PHF21B: variants seen among roughly 807,000 people sequenced by gnomAD.
The protein encoded by PHF21B is PHD finger protein 21B.
A neutral mutation model predicts 62.2 loss-of-function variants in PHF21B; 22 were observed. The observed-to-expected ratio is 0.35, with a 90% CI of 0.25 to 0.51. PHF21B has a LOEUF of 0.51. PHF21B is among the 20% of genes least tolerant of loss of function. The probability of loss-of-function intolerance (pLI) is 0.97; values close to 1 mark genes in which losing one functional copy is unlikely to be tolerated. For missense variants in PHF21B, 701 were observed against 707.9 expected, an observed-to-expected ratio of 0.99 and a Z score of 0.11; for synonymous variants, 341 against 314.7, an observed-to-expected ratio of 1.08 and a Z score of -0.88.
intron 2 of PHF21B, among the ~76,000 whole-genome samples, chr22:44,977,711 T>G (rs1260035567): frequency 6.6e-6 from 1 of 151,654 alleles, no homozygotes; most frequent in Non-Finnish European, 1.5e-5. Context: ...CTAGAGTAGC[T>G]GGGGCTACAG....
At chr22:44,948,753 T>C (rs1434927110) in intron 2 of PHF21B, among the ~76,000 whole-genome samples, 5 of 151,586 alleles carry the variant, frequency 3.3e-5, no homozygotes, top group Admixed American at 2.0e-4. Context: ...ATGCTGGACA[T>C]GGAAGCAGGC....
intron 12 of PHF21B, among the ~76,000 whole-genome samples, chr22:44,884,134 T>TCACCAC (rs2070794068): frequency 6.3e-5 from 4 of 63,562 alleles, no homozygotes; most frequent in South Asian, 4.0e-4. Flanking sequence ...ATGATCACCA[T>TCACCAC]TATCACCACC....
chr22:44,934,090 G>A (rs1191316165), intron 2 of PHF21B, among the ~76,000 whole-genome samples: 2 of 152,164 alleles, frequency 1.3e-5, no homozygotes, highest in African/African-American at 2.4e-5. Flanking sequence ...CTCCTCTGAC[G>A]TGGGCATGGC....
At chr22:45,006,037 A>T (rs1166810017) in intron 2 of PHF21B, among the ~76,000 whole-genome samples, 1 of 152,058 alleles carries the variant, frequency 6.6e-6, no homozygotes, top group Non-Finnish European at 1.5e-5. Context: ...AAACTCTCCC[A>T]AGGAGAGGGA....
intron 2 of PHF21B, among the ~76,000 whole-genome samples, chr22:44,951,407 A>G (rs2072191989): frequency 6.6e-6 from 1 of 152,182 alleles, no homozygotes; most frequent in Non-Finnish European, 1.5e-5. Context: ...GCGGCTGTAA[A>G]TACAGATGAA....
intron 2 of PHF21B, among the ~76,000 whole-genome samples, chr22:44,932,450 C>T (rs1356839733): frequency 6.6e-6 from 1 of 152,208 alleles, no homozygotes; most frequent in East Asian, 1.9e-4. Context: ...ACCAGGCACA[C>T]GTCTTCCAAA....
At chr22:44,998,852 CTCG>C (rs1403434298) in intron 2 of PHF21B, among the ~76,000 whole-genome samples, 1 of 152,174 alleles carries the variant, frequency 6.6e-6, no homozygotes, top group Non-Finnish European at 1.5e-5. Context: ...GCGTACAATG[CTCG>C]CCCCATTCAT....
At chr22:45,006,524 G>C (rs180930893) in intron 2 of PHF21B, among the ~76,000 whole-genome samples, 1 of 152,098 alleles carries the variant, frequency 6.6e-6, no homozygotes, top group Non-Finnish European at 1.5e-5. Flanking sequence ...GTTTCTTTCG[G>C]CTTATCTAAA....
chr22:44,906,849 A>C (rs546588971), intron 5 of PHF21B, among the ~76,000 whole-genome samples: 7 of 151,720 alleles, frequency 4.6e-5, no homozygotes, highest in African/African-American at 1.7e-4. Flanking sequence ...TGGTGATCAG[A>C]GTGGGGTGAT....
chr22:44,920,425 G>A lies in PHF21B; in HGVS notation c.186C>T (p.Ala62=), dbSNP rs746921520. 24 of 1,612,018 alleles carry A rather than the reference G, an allele frequency of 1.5e-5. No individual in the cohort carries two copies. The highest frequency in any genetic ancestry group is 1.3e-4 in the East Asian group (6 of 44,808). The change falls in exon 3 of 13, where the codon GCC becomes GCT. Residue 62 remains alanine (A), a synonymous_variant. Coordinates refer to ENST00000313237, the MANE Select transcript of PHF21B (RefSeq NM_138415.5). ...GPQVSSLQRL[A]GQGAAVLPQV... Reference sequence around the variant, plus strand: ...GAGGTAGCACTGCCGCTCCTTGCCCGGCCAACCTCTGCAAGGAGCTGACCT... The same window carrying A: ...GAGGTAGCACTGCCGCTCCTTGCCCAGCCAACCTCTGCAAGGAGCTGACCT...
intron 2 of PHF21B, 86 bp downstream of exon 2, chr22:45,008,459 C>T: frequency 1.5e-6 from 2 of 1,314,620 alleles, no homozygotes; most frequent in Admixed American, 5.0e-5. Context: ...CGTGCGTCGC[C>T]CAGGCTGGCA....
At chr22:44,949,314 A>G (rs559017016) in intron 2 of PHF21B, among the ~76,000 whole-genome samples, 20 of 150,800 alleles carry the variant, frequency 1.3e-4, no homozygotes, top group East Asian at 3.9e-4. Flanking sequence ...AAAAAAGAAA[A>G]AAAAAAAAAA....
chr22:44,981,785 T>C lies in PHF21B; in HGVS notation c.120+26760A>G, dbSNP rs370209816. On this transcript the variant is annotated intron_variant, in intron 2 of 12. Coordinates refer to ENST00000313237, the MANE Select transcript of PHF21B (RefSeq NM_138415.5). Reference sequence around the variant, plus strand: ...AAGCTACAGCGGCACGCAGGTGTTCTGCTCAAGGACACGCTGGGATGACTC... The same window carrying C: ...AAGCTACAGCGGCACGCAGGTGTTCCGCTCAAGGACACGCTGGGATGACTC... Among the ~76,000 whole-genome samples the C allele has an allele frequency of 3.9e-5, 6 of 152,346 alleles. No homozygotes were observed. The East Asian group carries it at 7.7e-4, about 20-fold the overall frequency.
At chr22:44,982,113 C>T (rs992037463) in intron 2 of PHF21B, among the ~76,000 whole-genome samples, 1 of 152,248 alleles carries the variant, frequency 6.6e-6, no homozygotes, top group African/African-American at 2.4e-5. Flanking sequence ...CACAGGTTCT[C>T]TCCTGGTTCT....
rs915448469 is a variant in PHF21B at position 45,009,224 on chromosome 22, C to T, written c.54+272G>A. 3 of 447,018 alleles carry T rather than the reference C, an allele frequency of 6.7e-6. No individual in the cohort carries two copies. The highest frequency in any genetic ancestry group is 9.0e-5 in the Admixed American group (2 of 22,280). The allele number at this position is 447,018 out of a possible 1,614,324, so 27.7% of individuals were successfully genotyped here. A position where few individuals can be genotyped will look rare whatever the true frequency, so the allele number is the denominator to read the frequency against. On this transcript the variant is annotated intron_variant, in intron 1 of 12. Coordinates refer to ENST00000313237, the MANE Select transcript of PHF21B (RefSeq NM_138415.5). The surrounding 1 kb of genome is among the most constrained non-coding windows in gnomAD (Gnocchi z 5.9). ...GGCCCCCTCCAGGCACCCTCCCAGT[C>T]ATGCAGACCCTACATCGCTTAAGAG...
intron 2 of PHF21B, among the ~76,000 whole-genome samples, chr22:44,970,213 G>A (rs890832590): frequency 1.3e-5 from 2 of 152,266 alleles, no homozygotes; most frequent in Non-Finnish European, 2.9e-5. Context: ...CGTCCTGAAG[G>A]GAGGCATATT....
At chr22:44,945,724 GGGT>G (rs766421910) in intron 2 of PHF21B, among the ~76,000 whole-genome samples, 2,255 of 33,482 alleles carry the variant, frequency 0.067, 60 homozygotes, top group African/African-American at 0.14. Context: ...ATTGGGGGGG[GGGT>G]GGTATAAAGC....
At chr22:44,910,967 A>G (rs2071333912) in intron 5 of PHF21B, among the ~76,000 whole-genome samples, 1 of 152,258 alleles carries the variant, frequency 6.6e-6, no homozygotes. Flanking sequence ...GAGATGAACA[A>G]TAAGGTCAGG....
At chr22:44,947,174 C>A (rs961575334) in intron 2 of PHF21B, among the ~76,000 whole-genome samples, 1 of 152,228 alleles carries the variant, frequency 6.6e-6, no homozygotes, top group Non-Finnish European at 1.5e-5. Context: ...TGTCCCAGTC[C>A]CCAGGCAAGA....
Sources: gnomAD v4.1 joint callset for allele counts (sites outside exome capture counted in the v4.1 genomes callset) on GRCh38, gnomAD v4.1.1 for gene constraint, Gnocchi (gnomAD v3.1) non-coding constraint, MANE v1.5 for transcripts, NCBI Gene and HGNC (gene_info 2026-07-23, HGNC 2026-07-21) for gene names.